Variants in YEATS2 observed in about 807,000 individuals in gnomAD.
The protein encoded by YEATS2 is YEATS domain containing 2.
Under a neutral mutation model 163.2 loss-of-function variants are expected in YEATS2, and 77 were observed. The ratio of observed to expected loss-of-function variants is 0.47; its 90% CI spans 0.39 to 0.57. The LOEUF (loss-of-function observed/expected upper bound fraction) is 0.57. Among genes scored for constraint, YEATS2 ranks in the 20% least tolerant of loss-of-function variants. The pLI is 0.00. For synonymous variants in YEATS2, 631 were observed against 645.1 expected (o/e 0.98, Z 0.33); for missense variants, 1,549 against 1,729.8 (o/e 0.90, Z 1.85).
intron 8 of YEATS2, among the ~76,000 whole-genome samples, chr3:183,741,738 C>T (rs1330097386): frequency 4.6e-5 from 7 of 151,772 alleles, no homozygotes; most frequent in African/African-American, 1.2e-4. Context: ...GCCAAGATCG[C>T]GCCACTGCAC....
intron 29 of YEATS2, 67 bp downstream of exon 29, chr3:183,808,171 C>A: frequency 7.6e-7 from 1 of 1,309,960 alleles, no homozygotes; most frequent in Non-Finnish European, 1.1e-6. Flanking sequence ...GAGTAAGGGG[C>A]AAGGACAGAA....
intron 19 of YEATS2, among the ~76,000 whole-genome samples, chr3:183,783,844 T>C (rs908870802): frequency 4.6e-5 from 7 of 152,186 alleles, no homozygotes; most frequent in Admixed American, 2.6e-4. Context: ...GACATAGGGG[T>C]GCATGTGTCT....
At chr3:183,752,017 G>C in intron 9 of YEATS2, 56 bp from the exon 10 acceptor site, 2 of 1,595,522 alleles carry the variant, frequency 1.3e-6, no homozygotes, top group Non-Finnish European at 1.7e-6. Context: ...CGGGACTTGA[G>C]CTTTCTGTGA....
chr3:183,782,184 A>T (rs536583793), intron 19 of YEATS2, among the ~76,000 whole-genome samples: 1 of 151,974 alleles, frequency 6.6e-6, no homozygotes, highest in South Asian at 2.1e-4. Flanking sequence ...ATCTTGGCTC[A>T]CTGCAACCTC....
At chr3:183,778,330 A>C (rs1174856611) in intron 19 of YEATS2, among the ~76,000 whole-genome samples, 19 of 152,226 alleles carry the variant, frequency 1.2e-4, no homozygotes, top group Admixed American at 1.2e-3. Context: ...GGTCAGTTTT[A>C]AAGTCACACT....
At chr3:183,699,371 A>T (rs1359553118) in intron 1 of YEATS2, among the ~76,000 whole-genome samples, 1 of 151,742 alleles carries the variant, frequency 6.6e-6, no homozygotes, top group Non-Finnish European at 1.5e-5. Flanking sequence ...AGGCAGTTGG[A>T]TGTAGAGGGC....
intron 8 of YEATS2, among the ~76,000 whole-genome samples, chr3:183,743,748 C>G (rs902835599): frequency 1.3e-5 from 2 of 152,094 alleles, no homozygotes; most frequent in Non-Finnish European, 2.9e-5. Context: ...GTGACATAAT[C>G]CTGATACTGT....
At chr3:183,710,096 C>T (rs1715041208) in intron 1 of YEATS2, among the ~76,000 whole-genome samples, 1 of 152,212 alleles carries the variant, frequency 6.6e-6, no homozygotes, top group Non-Finnish European at 1.5e-5. Context: ...TTCTTTCTCA[C>T]AGTCAAATTG....
At chr3:183,756,812 A>G (rs1452991730) in intron 12 of YEATS2, 123 bp downstream of exon 12, 1 of 919,544 alleles carries the variant, frequency 1.1e-6, no homozygotes, top group East Asian at 3.3e-5. Context: ...AGAAGCGAGA[A>G]TAAGTAAAAG....
chr3:183,810,452 A>G (rs1294770577), intron 30 of YEATS2, 23 bp from the exon 31 acceptor site: 2 of 1,592,172 alleles, frequency 1.3e-6, no homozygotes, highest in East Asian at 2.2e-5. Flanking sequence ...TCACCTGGTA[A>G]CACCCTTTGT....
chr3:183,762,270 G>C lies in YEATS2; in HGVS notation c.1938G>C (p.Gln646His). The C allele has an allele frequency of 6.3e-7, 1 of 1,595,304 alleles. No homozygotes were observed. The highest frequency in any genetic ancestry group is 8.6e-7 in the Non-Finnish European group (1 of 1,168,162). Residue 646 changes from glutamine (Q) to histidine (H), a missense_variant, in exon 15 of 31, where the codon CAG becomes CAC. Transcript: ENST00000305135. Reference protein sequence around the residue: ...GEGIAQSAKVQPSKVVGVPVG... With the variant: ...GEGIAQSAKVHPSKVVGVPVG... The stretch of plus-strand genomic sequence containing the variant: ...GGATTGCCCAGTCAGCAAAGGTTCA[G>C]CCCTCCAAGGTTTGTGTTGGGTAGA...
chr3:183,728,908 G>T lies in YEATS2; in HGVS notation c.812+57G>T, dbSNP rs901125715. The T allele has an allele frequency of 1.4e-5, 21 of 1,480,454 alleles. No individual in the cohort carries two copies. The South Asian group carries it at 2.7e-4, about 19-fold the overall frequency. The allele number at this position is 1,480,454 out of a possible 1,614,324, so 91.7% of individuals were successfully genotyped here. A position where few individuals can be genotyped will look rare whatever the true frequency, so the allele number is the denominator to read the frequency against. ...GAAATGCAGACTTATTTTTGAAGTG[G>T]AAGAAAAGTGATTTAACTTCAAAAC... On this transcript the variant is annotated intron_variant, in intron 7 of 30. Transcript: ENST00000305135.
intron 29 of YEATS2, 162 bp downstream of exon 29, chr3:183,808,266 C>T: frequency 1.6e-6 from 1 of 618,704 alleles, no homozygotes; most frequent in Admixed American, 3.2e-5. Context: ...TTTTTTCCTT[C>T]TGATTTTTAA....
intron 1 of YEATS2, among the ~76,000 whole-genome samples, chr3:183,714,432 G>A (rs1414793360): frequency 6.6e-6 from 1 of 151,224 alleles, no homozygotes; most frequent in Non-Finnish European, 1.5e-5. Flanking sequence ...TCCTGACCTC[G>A]TGATCCGCCC....
intron 9 of YEATS2, among the ~76,000 whole-genome samples, chr3:183,750,344 C>T (rs1171566600): frequency 6.6e-6 from 1 of 152,296 alleles, no homozygotes; most frequent in African/African-American, 2.4e-5. Flanking sequence ...TGGACACTTG[C>T]GTTGCTTCCA....
At position 183,756,833 on chromosome 3, in the gene YEATS2, ACT is replaced by A. The variant is rs201029909; in HGVS notation, c.1552+147_1552+148del. 489 of 731,310 alleles carry A rather than the reference ACT, an allele frequency of 6.7e-4. 10 individuals are homozygous for A. In the East Asian group the frequency reaches 0.017, roughly 25 times the overall value. The allele number at this position is 731,310 out of a possible 1,614,324, so 45.3% of individuals were successfully genotyped here. ...GAGAATAAGTAAAAGGAAAGCCAATACTCTTTCTCTGAGGGGAGATTTACTCT... is the reference window on the plus strand; with the variant it reads ...GAGAATAAGTAAAAGGAAAGCCAATACTTTCTCTGAGGGGAGATTTACTCT... On this transcript the variant is annotated intron_variant, in intron 12 of 30. Transcript: ENST00000305135.
At position 183,754,173 on chromosome 3, in the gene YEATS2, T is replaced by G. The variant is rs766442033; in HGVS notation, c.1198T>G (p.Leu400Val). 30 of 1,611,310 alleles carry G rather than the reference T, an allele frequency of 1.9e-5. No homozygotes were observed. The highest frequency in any genetic ancestry group is 2.4e-5 in the Non-Finnish European group (28 of 1,177,854). The change falls in exon 11 of 31, where the codon TTG becomes GTG. Residue 400 changes from leucine to valine, a missense_variant. Transcript: ENST00000305135. The part of the protein sequence containing the change: ...EAERHTPFYA[L>V]PSSLERTPTK... Reference sequence around the variant, plus strand: ...TGAACGACACACTCCGTTTTATGCTTTGCCATCTTCATTGGAAAGAACACC... The same window carrying G: ...TGAACGACACACTCCGTTTTATGCTGTGCCATCTTCATTGGAAAGAACACC...
chr3:183,804,291 C>G, intron 27 of YEATS2, 103 bp downstream of exon 27: 1 of 1,359,654 alleles, frequency 7.4e-7, no homozygotes, highest in Non-Finnish European at 1.0e-6. Context: ...AGAACGAGAG[C>G]CTTTCCTACC....
chr3:183,769,546 T>C (rs1357264659), intron 15 of YEATS2, among the ~76,000 whole-genome samples: 1 of 152,192 alleles, frequency 6.6e-6, no homozygotes, highest in Non-Finnish European at 1.5e-5. Flanking sequence ...GGATTGATGG[T>C]AAAACTCAAG....
Sources: allele counts gnomAD v4.1 joint callset (sites outside exome capture counted in the v4.1 genomes callset), GRCh38; gene constraint gnomAD v4.1.1; transcripts MANE v1.5; gene names NCBI Gene and HGNC (gene_info 2026-07-23, HGNC 2026-07-21).